GARNL3: variants seen among roughly 807,000 people sequenced by gnomAD.
The protein encoded by GARNL3 is GTPase-activating Rap/Ran-GAP domain-like protein 3.
GARNL3 carries 63 observed loss-of-function variants against 125.0 expected under a neutral mutation model. The observed-to-expected ratio is 0.50, with a 90% confidence interval of 0.41 to 0.62. The LOEUF (loss-of-function observed/expected upper bound fraction) is 0.62, where lower values mean the gene tolerates loss of function less well. Among genes scored for constraint, GARNL3 ranks in the 20% least tolerant of loss-of-function variants. The pLI is 0.00. For missense variants in GARNL3, 994 were observed against 1,244.0 expected, an observed-to-expected ratio of 0.80 and a Z score of 3.02; for synonymous variants, 439 against 457.5, an observed-to-expected ratio of 0.96 and a Z score of 0.52.
chr9:127,349,072 T>C, intron 17 of GARNL3, 37 bp downstream of exon 17: 1 of 1,416,330 alleles, frequency 7.1e-7, no homozygotes. Context: ...GTCTTTTTCA[T>C]GTAACTTGTA....
At chr9:127,318,867 A>C (rs1000572575) in intron 5 of GARNL3, among the ~76,000 whole-genome samples, 4 of 152,176 alleles carry the variant, frequency 2.6e-5, no homozygotes, top group Admixed American at 6.5e-5. Flanking sequence ...TAGATCTATT[A>C]TTATCTCCAC....
chr9:127,373,217 A>G (rs1409077675), intron 22 of GARNL3, among the ~76,000 whole-genome samples: 2 of 152,230 alleles, frequency 1.3e-5, no homozygotes, highest in African/African-American at 4.8e-5. Flanking sequence ...CAGATGAACC[A>G]GGGACCTTCC....
intron 14 of GARNL3, 103 bp downstream of exon 14, chr9:127,342,437 C>T (rs111279678): frequency 9.3e-6 from 7 of 755,410 alleles, no homozygotes; most frequent in Admixed American, 4.3e-5. Flanking sequence ...GCGTAGGAGG[C>T]GCCTTGATCC....
intron 1 of GARNL3, among the ~76,000 whole-genome samples, chr9:127,277,369 A>G (rs1564872934): frequency 2.7e-5 from 4 of 150,560 alleles, no homozygotes. Context: ...TGACTTCTCA[A>G]AAATTCCATT....
chr9:127,245,493 A>T (rs1163584741), intron 2 of GARNL3: 1 of 152,264 alleles, frequency 6.6e-6, no homozygotes, highest in African/African-American at 2.4e-5. Context: ...TCACCCGCTG[A>T]TCTCACCCAG....
intron 16 of GARNL3, among the ~76,000 whole-genome samples, chr9:127,347,325 G>A (rs527550797): frequency 6.6e-6 from 1 of 152,302 alleles, no homozygotes; most frequent in South Asian, 2.1e-4. Context: ...AGGAGGCTGA[G>A]GCAGGAGGAT....
intron 2 of GARNL3, among the ~76,000 whole-genome samples, chr9:127,248,198 C>A (rs1315992250): frequency 6.6e-6 from 1 of 152,206 alleles, no homozygotes; most frequent in Non-Finnish European, 1.5e-5. Flanking sequence ...TAAGAAACTT[C>A]TGCTTTACTC....
At chr9:127,236,526 G>A (rs895524616) in intron 1 of GARNL3, among the ~76,000 whole-genome samples, 2 of 152,200 alleles carry the variant, frequency 1.3e-5, no homozygotes, top group African/African-American at 4.8e-5. Flanking sequence ...ATAGCTCACT[G>A]TAACTTCGAA....
intron 1 of GARNL3, among the ~76,000 whole-genome samples, chr9:127,284,659 CATT>C (rs2064195697): frequency 6.6e-6 from 1 of 151,848 alleles, no homozygotes; most frequent in Non-Finnish European, 1.5e-5. Context: ...GCACCTATCA[CATT>C]ATGTGTTTTC....
intron 22 of GARNL3, among the ~76,000 whole-genome samples, chr9:127,382,475 G>C (rs1186295950): frequency 6.6e-6 from 1 of 151,968 alleles, no homozygotes; most frequent in East Asian, 1.9e-4. Flanking sequence ...AGCTGGGTGT[G>C]CTGGTGTGCA....
At chr9:127,236,112 A>G (rs947668743) in intron 1 of GARNL3, among the ~76,000 whole-genome samples, 1 of 152,242 alleles carries the variant, frequency 6.6e-6, no homozygotes, top group Non-Finnish European at 1.5e-5. Flanking sequence ...CACTCGGCAT[A>G]TGGCCCTTGG....
chr9:127,302,193 C>T (rs903044295), intron 2 of GARNL3, among the ~76,000 whole-genome samples: 24 of 152,078 alleles, frequency 1.6e-4, no homozygotes, highest in African/African-American at 2.4e-4. Flanking sequence ...CCACCCGCCT[C>T]GGCCTCCCAA....
At chr9:127,322,252 C>G (rs1438047916) in intron 6 of GARNL3, among the ~76,000 whole-genome samples, 3 of 152,076 alleles carry the variant, frequency 2.0e-5, no homozygotes, top group Non-Finnish European at 4.4e-5. Context: ...GTCTGATCCC[C>G]CACACCAACT....
intron 2 of GARNL3, among the ~76,000 whole-genome samples, chr9:127,292,922 A>G (rs564590135): frequency 6.6e-6 from 1 of 152,330 alleles, no homozygotes; most frequent in East Asian, 1.9e-4. Context: ...CTTGGGAACA[A>G]TTTGGGGGAG....
intron 22 of GARNL3, among the ~76,000 whole-genome samples, chr9:127,380,680 A>G (rs1211514795): frequency 6.6e-6 from 1 of 152,212 alleles, no homozygotes; most frequent in African/African-American, 2.4e-5. Context: ...CCAGACACAA[A>G]AGGCCACATG....
rs929766433 is a variant in GARNL3 at position 127,254,938 on chromosome 9, G to T, written c.144-10014G>T. ...AGCTATCAGAGGAATGCAAATTAAA[G>T]CCGTACCTCAGTGAGACACCATTTC... On this transcript the variant is annotated intron_variant, in intron 2 of 10. Coordinates refer to the GARNL3 transcript ENST00000439286. Among the ~76,000 whole-genome samples the T allele has an allele frequency of 5.9e-5, 9 of 152,264 alleles. 1 individual carries two copies. The highest frequency in any genetic ancestry group is 2.2e-4 in the African/African-American group (9 of 41,558).
intron 2 of GARNL3, among the ~76,000 whole-genome samples, chr9:127,247,026 A>C (rs1042511687): frequency 6.6e-6 from 1 of 151,270 alleles, no homozygotes; most frequent in Non-Finnish European, 1.5e-5. Flanking sequence ...AAAGGCACAA[A>C]GCAGGGACAC....
chr9:127,381,411 G>A (rs904217620), intron 22 of GARNL3, among the ~76,000 whole-genome samples: 1 of 151,702 alleles, frequency 6.6e-6, no homozygotes, highest in African/African-American at 2.4e-5. Context: ...ATTCTAAAAT[G>A]TAGGTGGGGA....
chr9:127,287,691 C>T (rs539785211), intron 1 of GARNL3, among the ~76,000 whole-genome samples: 1 of 152,288 alleles, frequency 6.6e-6, no homozygotes, highest in South Asian at 2.1e-4. Context: ...TACTGCCCTC[C>T]CACCCATGCT....
Sources: gnomAD v4.1 joint callset for allele counts (sites outside exome capture counted in the v4.1 genomes callset) on GRCh38, gnomAD v4.1.1 for gene constraint, MANE v1.5 for transcripts, NCBI Gene and HGNC (gene_info 2026-07-23, HGNC 2026-07-21) for gene names.